GSE1: variants seen among roughly 807,000 people sequenced by gnomAD.
GSE1 encodes the protein Gse1 coiled-coil protein.
In GSE1, 32 loss-of-function variants were observed where a neutral mutation model predicts 112.6. That is an observed-to-expected ratio of 0.28 (90% CI 0.21 to 0.38). The LOEUF (loss-of-function observed/expected upper bound fraction) is 0.38. Among genes scored for constraint, GSE1 ranks in the 10% least tolerant of loss-of-function variants. The pLI, the probability that GSE1 is intolerant of heterozygous loss-of-function variation, is 1.00. For missense variants in GSE1, 2,348 were observed against 1,699.2 expected (o/e 1.38, Z -6.71); for synonymous variants, 1,115 against 735.6 (o/e 1.52, Z -8.35).
At chr16:85,361,804 T>C (rs936651190) in intron 2 of GSE1, among the ~76,000 whole-genome samples, 21 of 152,112 alleles carry the variant, frequency 1.4e-4, no homozygotes, top group Admixed American at 4.6e-4. Flanking sequence ...GCGGGGGTTG[T>C]GTGTGTTGTG....
At chr16:85,195,338 A>T (rs563923907) in intron 1 of GSE1, among the ~76,000 whole-genome samples, 1 of 152,172 alleles carries the variant, frequency 6.6e-6, no homozygotes, top group Non-Finnish European at 1.5e-5. Flanking sequence ...TGGAAGAAGG[A>T]GAGGAGGAAA....
chr16:85,169,552 C>T (rs2074326676), exon 1 of GSE1: 1 of 973,418 alleles, frequency 1.0e-6, no homozygotes, highest in African/African-American at 1.8e-5. Context: ...CCCGGTCTCC[C>T]GCAAGCAGCG....
intron 2 of GSE1, among the ~76,000 whole-genome samples, chr16:85,499,612 C>A (rs1022227286): frequency 6.6e-6 from 1 of 152,128 alleles, no homozygotes; most frequent in African/African-American, 2.4e-5. Context: ...AGCAGAAAGT[C>A]GTCTTTAAGA....
At chr16:85,299,935 C>CAAA (rs35622442) in intron 1 of GSE1, among the ~76,000 whole-genome samples, 7 of 84,206 alleles carry the variant, frequency 8.3e-5, no homozygotes, top group African/African-American at 2.5e-4. Context: ...GACCCTGTCT[C>CAAA]AAAAAAAAAA....
chr16:85,439,179 C>T (rs1021084577), intron 2 of GSE1, among the ~76,000 whole-genome samples: 8 of 152,228 alleles, frequency 5.3e-5, no homozygotes, highest in African/African-American at 9.6e-5. Flanking sequence ...GCCCCTCACC[C>T]GGCACTGACC....
intron 2 of GSE1, chr16:85,490,790 T>C (rs1172258098): frequency 3.3e-5 from 5 of 152,264 alleles, no homozygotes; most frequent in African/African-American, 7.2e-5. Context: ...ATTTAAATCA[T>C]TTTATAGAGA....
intron 1 of GSE1, among the ~76,000 whole-genome samples, chr16:85,269,750 G>C (rs1279016114): frequency 2.0e-5 from 3 of 149,208 alleles, no homozygotes; most frequent in Non-Finnish European, 4.5e-5. Context: ...CCTTGCACCT[G>C]GCACTCTGCA....
At chr16:85,356,195 T>C (rs2046947783) in intron 1 of GSE1, among the ~76,000 whole-genome samples, 1 of 152,230 alleles carries the variant, frequency 6.6e-6, no homozygotes, top group South Asian at 2.1e-4. Context: ...GCAGTTGGCG[T>C]CGTCACCATC....
intron 1 of GSE1, among the ~76,000 whole-genome samples, chr16:85,348,584 G>T (rs61533474): frequency 6.6e-6 from 1 of 151,934 alleles, no homozygotes; most frequent in Non-Finnish European, 1.5e-5. Flanking sequence ...CCAGACATCC[G>T]GGGCAAGGTG....
At chr16:85,178,420 C>A (rs760129515) in intron 1 of GSE1, among the ~76,000 whole-genome samples, 1 of 151,902 alleles carries the variant, frequency 6.6e-6, no homozygotes, top group African/African-American at 2.4e-5. Flanking sequence ...GTTTGGAATC[C>A]CTGGGTGCAC....
At chr16:85,670,056 T>G (rs1054607607) in intron 14 of GSE1, among the ~76,000 whole-genome samples, 1 of 152,262 alleles carries the variant, frequency 6.6e-6, no homozygotes, top group Non-Finnish European at 1.5e-5. Flanking sequence ...ACAGGCGTGG[T>G]TGGCATCCTT....
chr16:85,397,134 T>C (rs60906934), intron 2 of GSE1, among the ~76,000 whole-genome samples: 1 of 152,204 alleles, frequency 6.6e-6, no homozygotes, highest in African/African-American at 2.4e-5. Context: ...CCATCTCCTC[T>C]GTGAAGTCCT....
At chr16:85,265,733 G>T (rs1056246468) in intron 1 of GSE1, among the ~76,000 whole-genome samples, 1 of 152,142 alleles carries the variant, frequency 6.6e-6, no homozygotes, top group Non-Finnish European at 1.5e-5. Flanking sequence ...CAGGCCATTG[G>T]GGGGCTCTCT....
At chr16:85,488,304 C>T (rs565910347) in intron 2 of GSE1, among the ~76,000 whole-genome samples, 1 of 152,282 alleles carries the variant, frequency 6.6e-6, no homozygotes, top group African/African-American at 2.4e-5. Context: ...CTGCCCGCCT[C>T]CGTTTATTAA....
chr16:85,474,743 C>G (rs1276363356), intron 2 of GSE1, among the ~76,000 whole-genome samples: 2 of 151,484 alleles, frequency 1.3e-5, no homozygotes, highest in African/African-American at 4.9e-5. Context: ...TCCTCCCCAA[C>G]AAGCTCCTCT....
At chr16:85,587,726 C>T (rs1035627128) in intron 1 of GSE1, among the ~76,000 whole-genome samples, 1 of 151,950 alleles carries the variant, frequency 6.6e-6, no homozygotes, top group South Asian at 2.1e-4. Context: ...GGAGCCAGTG[C>T]TAGAGGGCTG....
At chr16:85,415,716 G>C (rs933018621) in intron 2 of GSE1, among the ~76,000 whole-genome samples, 1 of 152,230 alleles carries the variant, frequency 6.6e-6, no homozygotes. Flanking sequence ...AGCCCGGGTC[G>C]GCCTCCAGAA....
chr16:85,584,783 C>T (rs77683146), intron 1 of GSE1, among the ~76,000 whole-genome samples: 2,292 of 152,260 alleles, frequency 0.015, 31 homozygotes, highest in Non-Finnish European at 0.021. Context: ...TCCCTCTGGC[C>T]GGAAAAGTTG....
At chr16:85,532,988 C>G (rs1308640969) in intron 2 of GSE1, among the ~76,000 whole-genome samples, 1 of 152,256 alleles carries the variant, frequency 6.6e-6, no homozygotes, top group Non-Finnish European at 1.5e-5. Context: ...AGCCCGCTCC[C>G]TACCTCCTGT....
Sources: allele counts gnomAD v4.1 joint callset (sites outside exome capture counted in the v4.1 genomes callset), GRCh38; gene constraint gnomAD v4.1.1; transcripts MANE v1.5; gene names NCBI Gene and HGNC (gene_info 2026-07-23, HGNC 2026-07-21).